The following IL23R variants were observed in gnomAD, a reference collection of about 807,000 sequenced individuals.
IL23R encodes the protein interleukin 23 receptor.
A neutral mutation model predicts 56.9 loss-of-function variants in IL23R; 34 were observed. The ratio of observed to expected loss-of-function variants is 0.60; its 90% confidence interval spans 0.45 to 0.80. The LOEUF is 0.80. Ranked by LOEUF, IL23R falls within the 30% of genes least tolerant of loss-of-function variation. The pLI is 0.00. For synonymous variants in IL23R, 230 were observed against 249.2 expected (o/e 0.92, Z 0.73); for missense variants, 635 against 730.0 (o/e 0.87, Z 1.50).
At chr1:67,212,885 T>A (rs1035948096) in intron 6 of IL23R, among the ~76,000 whole-genome samples, 1 of 151,054 alleles carries the variant, frequency 6.6e-6, no homozygotes, top group African/African-American at 2.4e-5. Flanking sequence ...TTCTTTTTTT[T>A]TCTTTTTAGA....
At chr1:67,179,734 C>T (rs1007645695) in intron 3 of IL23R, among the ~76,000 whole-genome samples, 1 of 152,056 alleles carries the variant, frequency 6.6e-6, no homozygotes. Flanking sequence ...TAGATCTTTC[C>T]TGCTTTCTCT....
chr1:67,163,496 A>AAAAAAG (rs1558221020), upstream of IL23R, among the ~76,000 whole-genome samples: 10 of 142,908 alleles, frequency 7.0e-5, no homozygotes, highest in African/African-American at 2.6e-4. Context: ...AAAAAAAAAA[A>AAAAAAG]AAGACAGAAA....
chr1:67,168,931 G>A (rs1173901391), intron 2 of IL23R, among the ~76,000 whole-genome samples: 4 of 151,896 alleles, frequency 2.6e-5, no homozygotes, highest in Admixed American at 6.6e-5. Context: ...AGGCCGAGGC[G>A]GGTGGATCAC....
intron 1 of IL23R, among the ~76,000 whole-genome samples, chr1:67,152,354 G>A (rs1646735816): frequency 6.6e-6 from 1 of 152,130 alleles, no homozygotes; most frequent in Non-Finnish European, 1.5e-5. Context: ...AGGAGTTTTT[G>A]GGCAGAGACG....
intron 5 of IL23R, among the ~76,000 whole-genome samples, chr1:67,205,762 AT>A (rs1419132231): frequency 1.3e-5 from 2 of 152,198 alleles, no homozygotes. Context: ...GGACAGATTT[AT>A]TTTAAAGGAG....
chr1:67,158,305 G>C (rs1646787899), intron 1 of IL23R, among the ~76,000 whole-genome samples: 2 of 152,338 alleles, frequency 1.3e-5, no homozygotes, highest in South Asian at 2.1e-4. Context: ...TTTAGCCCAG[G>C]AGGGTTCTTG....
At chr1:67,207,528 G>A (rs557436030) in intron 6 of IL23R, 34 of 306,668 alleles carry the variant, frequency 1.1e-4, no homozygotes, top group South Asian at 1.0e-3. Flanking sequence ...AATCATGGAG[G>A]CCAGTCTTTC....
intron 1 of IL23R, among the ~76,000 whole-genome samples, chr1:67,144,970 A>T (rs1486080129): frequency 6.6e-6 from 1 of 152,232 alleles, no homozygotes; most frequent in East Asian, 1.9e-4. Context: ...ATGTTAATTT[A>T]TATTCCTTCC....
intron 5 of IL23R, 47 bp downstream of exon 5, chr1:67,200,944 G>T: frequency 1.9e-6 from 3 of 1,586,478 alleles, no homozygotes; most frequent in Non-Finnish European, 2.6e-6. Flanking sequence ...ACCAGTTTGT[G>T]CTGACCTTGT....
intron 6 of IL23R, among the ~76,000 whole-genome samples, chr1:67,216,666 T>C (rs1452573671): frequency 2.6e-5 from 4 of 152,210 alleles, no homozygotes; most frequent in Non-Finnish European, 4.4e-5. Context: ...CCATACATCA[T>C]GAAATAGTCT....
intron 1 of IL23R, among the ~76,000 whole-genome samples, chr1:67,150,248 C>CTTTTTTTTTTTTT (rs552806817): frequency 1.8e-5 from 2 of 110,266 alleles, no homozygotes; most frequent in African/African-American, 3.5e-5. Flanking sequence ...GCATTTCGAA[C>CTTTTTTTTTTTTT]TTTTTTTTTT....
intron 3 of IL23R, among the ~76,000 whole-genome samples, chr1:67,179,984 C>T (rs12502365): frequency 1.3e-5 from 2 of 152,096 alleles, no homozygotes; most frequent in African/African-American, 4.8e-5. Flanking sequence ...GTCTGAGAGA[C>T]AGTTTGTTAG....
intron 1 of IL23R, among the ~76,000 whole-genome samples, chr1:67,160,544 A>C (rs558625470): frequency 6.6e-6 from 1 of 152,176 alleles, no homozygotes; most frequent in South Asian, 2.1e-4. Context: ...TATCTTATTG[A>C]TATCTTTGTT....
chr1:67,250,903 C>T (rs1025375274), intron 9 of IL23R, among the ~76,000 whole-genome samples: 1 of 152,164 alleles, frequency 6.6e-6, no homozygotes, highest in African/African-American at 2.4e-5. Flanking sequence ...GCAGGCACAG[C>T]TGGAAGGCAA....
rs1447098263 is a variant in IL23R at position 67,200,887 on chromosome 1, G to A, written c.642G>A (p.Leu214=). 2.5e-6 allele frequency: 4 copies of A among 1,613,822 alleles called. No individual in the cohort carries two copies. In the Admixed American group the frequency reaches 5.0e-5, roughly 20 times the overall value. ...MEESKQLQIH[L]DDIVIPSAAV... is the part of the protein sequence containing the mutation. ...AGTCAAAACAACTGCAAATTCACCT[G>A]GATGATATAGGTAAAGAATAAGAAA... The change falls in exon 5 of 11, where the codon CTG becomes CTA. Residue 214 remains leucine, a synonymous_variant. Coordinates refer to ENST00000347310, the MANE Select transcript of IL23R (RefSeq NM_144701.3).
chr1:67,159,795 C>A (rs1035884245), intron 1 of IL23R, among the ~76,000 whole-genome samples: 4 of 152,116 alleles, frequency 2.6e-5, no homozygotes, highest in African/African-American at 9.7e-5. Flanking sequence ...AATAAAACAG[C>A]ATATCACAAA....
intron 1 of IL23R, among the ~76,000 whole-genome samples, chr1:67,157,213 G>T (rs773134807): frequency 1.9e-4 from 29 of 152,164 alleles, no homozygotes; most frequent in Non-Finnish European, 2.2e-4. Flanking sequence ...GTCTTGCTAG[G>T]AGCTGCAGAC....
At position 67,230,629 on chromosome 1, in the gene IL23R, A is replaced by G. The variant is rs1388136774; in HGVS notation, c.956-6084A>G. ...CATACCAAGTACCTAAAGCCCAGGAATATAAGAAGGAAGATAAACCCTTGA... is the reference window on the plus strand; with the variant it reads ...CATACCAAGTACCTAAAGCCCAGGAGTATAAGAAGGAAGATAAACCCTTGA... On this transcript the variant is annotated intron_variant, in intron 7 of 10. Coordinates refer to ENST00000347310, the MANE Select transcript of IL23R (RefSeq NM_144701.3). Among the ~76,000 whole-genome samples, 4 of 152,216 alleles carry G rather than the reference A, an allele frequency of 2.6e-5. No individual in the cohort carries two copies. In the East Asian group the frequency reaches 7.7e-4, roughly 29 times the overall value.
At chr1:67,217,273 C>A (rs1172775474) in intron 6 of IL23R, among the ~76,000 whole-genome samples, 3 of 152,162 alleles carry the variant, frequency 2.0e-5, no homozygotes, top group African/African-American at 7.2e-5. Context: ...TTTACAGAGG[C>A]ACTCAATTAA....
Sources: gnomAD v4.1 joint callset for allele counts (sites outside exome capture counted in the v4.1 genomes callset) on GRCh38, gnomAD v4.1.1 for gene constraint, MANE v1.5 for transcripts, NCBI Gene and HGNC (gene_info 2026-07-23, HGNC 2026-07-21) for gene names.